The following KCTD8 variants were observed in gnomAD, a reference collection of about 807,000 sequenced individuals.
KCTD8 encodes BTB/POZ domain-containing protein KCTD8.
In KCTD8, 27 loss-of-function variants were observed where a neutral mutation model predicts 31.5. The observed-to-expected ratio is 0.86, with a 90% CI of 0.63 to 1.18. KCTD8 has a LOEUF of 1.18. Ranked by LOEUF, KCTD8 falls within the 50% of genes most tolerant of loss-of-function variation. KCTD8 has a pLI of 0.00. For synonymous variants in KCTD8, 290 were observed against 280.0 expected, an observed-to-expected ratio of 1.04 and a Z score of -0.36; for missense variants, 658 against 647.7, an observed-to-expected ratio of 1.02 and a Z score of -0.17.
chr4:44,235,566 T>G (rs1560402101), intron 1 of KCTD8, among the ~76,000 whole-genome samples: 13 of 42,978 alleles, frequency 3.0e-4, no homozygotes, highest in African/African-American at 1.5e-3. Context: ...TATATATATA[T>G]ATATATATAT....
At chr4:44,259,168 G>A (rs1716088141) in intron 1 of KCTD8, among the ~76,000 whole-genome samples, 1 of 151,706 alleles carries the variant, frequency 6.6e-6, no homozygotes, top group Admixed American at 6.6e-5. Flanking sequence ...CTATCTCCAA[G>A]CAGTTTCTTT....
chr4:44,440,519 T>C (rs981996518), intron 1 of KCTD8, among the ~76,000 whole-genome samples: 3 of 152,196 alleles, frequency 2.0e-5, no homozygotes, highest in African/African-American at 7.2e-5. Context: ...TATTCATATG[T>C]GTATGTCTTA....
At chr4:44,309,258 C>T (rs1016437137) in intron 1 of KCTD8, among the ~76,000 whole-genome samples, 3 of 151,740 alleles carry the variant, frequency 2.0e-5, no homozygotes, top group Non-Finnish European at 4.4e-5. Context: ...CAGGCAGTCT[C>T]GAACTCCTGA....
intron 1 of KCTD8, among the ~76,000 whole-genome samples, chr4:44,274,514 G>A (rs1716698159): frequency 6.6e-6 from 1 of 151,836 alleles, no homozygotes; most frequent in African/African-American, 2.4e-5. Flanking sequence ...ACATTATACT[G>A]CAGTTGAATC....
intron 1 of KCTD8, among the ~76,000 whole-genome samples, chr4:44,437,357 A>T (rs1360851048): frequency 6.6e-6 from 1 of 152,194 alleles, no homozygotes; most frequent in Admixed American, 6.6e-5. Context: ...CAGTCATGAA[A>T]GGTAGGAAAT....
At chr4:44,361,971 A>C (rs1019434610) in intron 1 of KCTD8, among the ~76,000 whole-genome samples, 1 of 152,130 alleles carries the variant, frequency 6.6e-6, no homozygotes, top group African/African-American at 2.4e-5. Flanking sequence ...TCTCAGAAAG[A>C]AAAAGGGTCA....
intron 1 of KCTD8, among the ~76,000 whole-genome samples, chr4:44,237,470 A>T (rs1715327109): frequency 6.6e-6 from 1 of 152,162 alleles, no homozygotes. Context: ...TGTAGTTCTG[A>T]GTGAGTAAAA....
At chr4:44,336,392 C>A (rs1018446179) in intron 1 of KCTD8, among the ~76,000 whole-genome samples, 1 of 151,304 alleles carries the variant, frequency 6.6e-6, no homozygotes, top group African/African-American at 2.4e-5. Flanking sequence ...GGTTTCAATA[C>A]CACCCAATTA....
intron 1 of KCTD8, among the ~76,000 whole-genome samples, chr4:44,335,646 A>T (rs983062343): frequency 6.6e-6 from 1 of 152,212 alleles, no homozygotes; most frequent in Admixed American, 6.5e-5. Context: ...CTATTTGTGA[A>T]TTTGTAATGC....
intron 1 of KCTD8, among the ~76,000 whole-genome samples, chr4:44,294,218 A>C (rs917830562): frequency 6.6e-6 from 1 of 152,182 alleles, no homozygotes; most frequent in African/African-American, 2.4e-5. Flanking sequence ...CCTTCCTCTT[A>C]GTACTATCTG....
At chr4:44,403,882 A>G (rs939815836) in intron 1 of KCTD8, among the ~76,000 whole-genome samples, 1 of 151,994 alleles carries the variant, frequency 6.6e-6, no homozygotes, top group Non-Finnish European at 1.5e-5. Context: ...TTTTTTAAAA[A>G]TGTTTTTACA....
At chr4:44,269,968 T>G (rs1031282098) in intron 1 of KCTD8, among the ~76,000 whole-genome samples, 3 of 152,120 alleles carry the variant, frequency 2.0e-5, no homozygotes, top group Non-Finnish European at 4.4e-5. Context: ...TCAACCATTG[T>G]GGAAGTCAGT....
chr4:44,225,663 T>C (rs1235025370), intron 1 of KCTD8, among the ~76,000 whole-genome samples: 3 of 152,148 alleles, frequency 2.0e-5, no homozygotes, highest in African/African-American at 7.2e-5. Flanking sequence ...GTGTTGGATT[T>C]CATTTTGAAT....
At chr4:44,247,840 C>A (rs1053683215) in intron 1 of KCTD8, among the ~76,000 whole-genome samples, 3 of 151,852 alleles carry the variant, frequency 2.0e-5, no homozygotes, top group Admixed American at 2.0e-4. Flanking sequence ...ATATATCTCA[C>A]ATTTTCATCC....
At chr4:44,199,946 A>G (rs1714081753) in intron 1 of KCTD8, among the ~76,000 whole-genome samples, 1 of 151,910 alleles carries the variant, frequency 6.6e-6, no homozygotes, top group African/African-American at 2.4e-5. Flanking sequence ...ACCCAAATAA[A>G]TGCAATCAGA....
chr4:44,207,563 C>A (rs1332314832), intron 1 of KCTD8, among the ~76,000 whole-genome samples: 1 of 152,178 alleles, frequency 6.6e-6, no homozygotes, highest in African/African-American at 2.4e-5. Context: ...TACTGAAAGT[C>A]CCTGCACATT....
Position 44,352,944 on chromosome 4 carries a change from T to C in KCTD8, c.961+94619A>G, listed in dbSNP as rs192122454. Among the ~76,000 whole-genome samples, 92 of 152,230 alleles carry C rather than the reference T, an allele frequency of 6.0e-4. 1 individual carries two copies. The East Asian group carries it at 0.01, about 17-fold the overall frequency. ...TTGTGCTTACTTAGCTATAGACATT[T>C]GTTGTTATCATCATTTTAAATTAAG... On this transcript the variant is annotated intron_variant, in intron 1 of 1. Transcript: ENST00000360029.
chr4:44,288,762 C>T (rs530850475), intron 1 of KCTD8, among the ~76,000 whole-genome samples: 1 of 152,014 alleles, frequency 6.6e-6, no homozygotes, highest in African/African-American at 2.4e-5. Flanking sequence ...AAAAGTATCC[C>T]ATTTTCAAAA....
At chr4:44,443,839 T>C (rs1334920992) in intron 1 of KCTD8, among the ~76,000 whole-genome samples, 1 of 152,214 alleles carries the variant, frequency 6.6e-6, no homozygotes, top group East Asian at 1.9e-4. Flanking sequence ...TTATCTATAT[T>C]CTATATAATT....
Sources: gnomAD v4.1 joint callset for allele counts (sites outside exome capture counted in the v4.1 genomes callset) on GRCh38, gnomAD v4.1.1 for gene constraint, MANE v1.5 for transcripts, NCBI Gene and HGNC (gene_info 2026-07-23, HGNC 2026-07-21) for gene names.